DGKB: variants seen among roughly 807,000 people sequenced by gnomAD.
The protein encoded by DGKB is diacylglycerol kinase beta.
DGKB carries 67 observed loss-of-function variants against 114.3 expected under a neutral mutation model. The ratio of observed to expected loss-of-function variants is 0.59; its 90% CI spans 0.48 to 0.72. The LOEUF is 0.72. DGKB is among the 30% of genes least tolerant of loss of function. The pLI, the probability that DGKB is intolerant of heterozygous loss-of-function variation, is 0.00. For missense variants in DGKB, 907 were observed against 975.2 expected (o/e 0.93, Z 0.93); for synonymous variants, 398 against 323.1 (o/e 1.23, Z -2.49).
intron 2 of DGKB, among the ~76,000 whole-genome samples, chr7:14,766,514 G>A (rs1217073410): frequency 1.3e-5 from 2 of 151,852 alleles, no homozygotes; most frequent in East Asian, 1.9e-4. Context: ...GATGAAGCAT[G>A]TTTGGAATGA....
chr7:14,504,488 G>A (rs909352760), intron 20 of DGKB, among the ~76,000 whole-genome samples: 1 of 152,158 alleles, frequency 6.6e-6, no homozygotes, highest in Non-Finnish European at 1.5e-5. Flanking sequence ...ATGTAGAAAT[G>A]AACTTGTTGA....
intron 21 of DGKB, among the ~76,000 whole-genome samples, chr7:14,471,491 T>C (rs1781385788): frequency 6.7e-6 from 1 of 149,510 alleles, no homozygotes; most frequent in Admixed American, 6.7e-5. Context: ...TTGAAAATTG[T>C]ATACTGCTGA....
chr7:14,852,165 A>G (rs1170534364), intron 1 of DGKB, among the ~76,000 whole-genome samples: 2 of 152,116 alleles, frequency 1.3e-5, no homozygotes, highest in Non-Finnish European at 2.9e-5. Flanking sequence ...TATTCCAGTT[A>G]TTATTATTAT....
At chr7:14,914,844 A>G (rs201337399) in intron 1 of DGKB, among the ~76,000 whole-genome samples, 1 of 34,092 alleles carries the variant, frequency 2.9e-5, no homozygotes, top group Non-Finnish European at 4.5e-5. Context: ...TAGAAATTAG[A>G]AAAAAAAAAC....
intron 23 of DGKB, among the ~76,000 whole-genome samples, chr7:14,231,106 T>A (rs920161830): frequency 8.2e-6 from 1 of 122,630 alleles, no homozygotes; most frequent in African/African-American, 3.0e-5. Flanking sequence ...TTTCTTTCTT[T>A]CTTTCTTTCT....
At chr7:14,435,141 C>G (rs1213076557) in intron 21 of DGKB, among the ~76,000 whole-genome samples, 3 of 152,112 alleles carry the variant, frequency 2.0e-5, no homozygotes, top group African/African-American at 7.2e-5. Flanking sequence ...ATTTTTATCT[C>G]TCAACCTCTA....
intron 18 of DGKB, among the ~76,000 whole-genome samples, chr7:14,582,791 G>A (rs1430718779): frequency 6.6e-6 from 1 of 152,100 alleles, no homozygotes; most frequent in East Asian, 1.9e-4. Context: ...ATTTCCTAGA[G>A]CCCCTGAAAA....
intron 23 of DGKB, among the ~76,000 whole-genome samples, chr7:14,308,155 C>G (rs1043080780): frequency 6.6e-6 from 1 of 151,634 alleles, no homozygotes; most frequent in Admixed American, 6.6e-5. Flanking sequence ...TAAAGATAAC[C>G]CGTATAGTTT....
intron 2 of DGKB, among the ~76,000 whole-genome samples, chr7:14,789,918 G>A (rs1586528598): frequency 6.6e-6 from 1 of 152,142 alleles, no homozygotes; most frequent in Non-Finnish European, 1.5e-5. Context: ...AGCAGAGGAT[G>A]ACTGATACAG....
chr7:14,859,330 C>G (rs1054399881), intron 1 of DGKB, among the ~76,000 whole-genome samples: 12 of 152,038 alleles, frequency 7.9e-5, no homozygotes, highest in African/African-American at 2.9e-4. Flanking sequence ...TTGTCAGTCT[C>G]AGTAATGAGA....
At chr7:14,234,922 C>T (rs936936174) in intron 23 of DGKB, among the ~76,000 whole-genome samples, 12 of 152,060 alleles carry the variant, frequency 7.9e-5, no homozygotes, top group African/African-American at 2.4e-4. Context: ...AAAAAGCATA[C>T]GGTAGGCATT....
At chr7:14,160,387 G>GC (rs201114973) in intron 25 of DGKB, among the ~76,000 whole-genome samples, 2,116 of 152,230 alleles carry the variant, frequency 0.014, 52 homozygotes, top group African/African-American at 0.048. Flanking sequence ...CATTGTCTCA[G>GC]CCCCAAAACT....
intron 17 of DGKB, among the ~76,000 whole-genome samples, chr7:14,605,365 A>C (rs1464847663): frequency 2.5e-5 from 3 of 121,926 alleles, no homozygotes; most frequent in Non-Finnish European, 5.1e-5. Flanking sequence ...ATATATATAT[A>C]CTATATATAT....
chr7:14,869,290 G>T (rs563538123), intron 1 of DGKB, among the ~76,000 whole-genome samples: 13 of 152,120 alleles, frequency 8.5e-5, no homozygotes, highest in African/African-American at 3.1e-4. Context: ...TTCACATTGG[G>T]GTTTACCTTG....
intron 23 of DGKB, among the ~76,000 whole-genome samples, chr7:14,304,083 A>ACTCTCTCT (rs1213674860): frequency 1.3e-4 from 5 of 39,152 alleles, no homozygotes; most frequent in Admixed American, 2.9e-4. Context: ...ACACACACAC[A>ACTCTCTCT]CACACTCTCT....
chr7:14,629,912 C>T (rs557155493), intron 14 of DGKB, among the ~76,000 whole-genome samples: 12 of 151,984 alleles, frequency 7.9e-5, no homozygotes, highest in African/African-American at 2.6e-4. Flanking sequence ...TACATTTTAA[C>T]GTGAAAAAAT....
chr7:14,765,680 A>T (rs1836344452), intron 2 of DGKB, among the ~76,000 whole-genome samples: 1 of 151,994 alleles, frequency 6.6e-6, no homozygotes, highest in East Asian at 1.9e-4. Context: ...GGAACCTATG[A>T]AATAATTTCC....
rs138707926 is a variant in DGKB, at chr7:14,462,998, T to G, written c.1835+15163A>C. On this transcript the variant is annotated intron_variant, in intron 21 of 25. Transcript: ENST00000402815. Reference sequence around the variant, plus strand: ...CAAAAACAAGCAATGGGGAAAGGATTCCCTATTTAAAAAAAGGTGTTGGGA... The same window carrying G: ...CAAAAACAAGCAATGGGGAAAGGATGCCCTATTTAAAAAAAGGTGTTGGGA... Among the ~76,000 whole-genome samples, 372 of 152,248 alleles carry G rather than the reference T, an allele frequency of 2.4e-3. 1 individual carries two copies. The highest frequency in any genetic ancestry group is 4.0e-3 in the Non-Finnish European group (270 of 68,018).
chr7:14,817,520 A>G (rs1844325650), intron 2 of DGKB, among the ~76,000 whole-genome samples: 1 of 152,216 alleles, frequency 6.6e-6, no homozygotes, highest in Non-Finnish European at 1.5e-5. Context: ...AATGGTAACA[A>G]AGTAATTTAA....
Sources: allele counts gnomAD v4.1 joint callset (sites outside exome capture counted in the v4.1 genomes callset), GRCh38; gene constraint gnomAD v4.1.1; transcripts MANE v1.5; gene names NCBI Gene and HGNC (gene_info 2026-07-23, HGNC 2026-07-21).